The following CTBP1 variants were observed in gnomAD, a reference collection of about 807,000 sequenced individuals.
The protein encoded by CTBP1 is C-terminal-binding protein 1.
Under a neutral mutation model 42.1 loss-of-function variants are expected in CTBP1, and 11 were observed. The ratio of observed to expected loss-of-function variants is 0.26; its 90% confidence interval spans 0.16 to 0.43. The LOEUF (loss-of-function observed/expected upper bound fraction) is 0.43. CTBP1 is among the 20% of genes least tolerant of loss of function. The probability of loss-of-function intolerance (pLI) is 1.00; values close to 1 mark genes in which losing one functional copy is unlikely to be tolerated. For missense variants in CTBP1, 399 were observed against 624.3 expected (o/e 0.64, Z 3.85); for synonymous variants, 324 against 277.1 (o/e 1.17, Z -1.68).
intron 4 of CTBP1, among the ~76,000 whole-genome samples, chr4:1,226,747 C>T (rs372597705): frequency 1.3e-5 from 2 of 151,776 alleles, no homozygotes; most frequent in South Asian, 2.1e-4. Context: ...CACCCGACAC[C>T]GCAGCCGGCC....
At chr4:1,214,114 A>G (rs913572518) in intron 7 of CTBP1, 9 of 548,610 alleles carry the variant, frequency 1.6e-5, no homozygotes, top group Non-Finnish European at 2.5e-5. Context: ...CCCTGCCCAA[A>G]GAAGGGCTGA....
chr4:1,248,467 C>A (rs1393040941), intron 1 of CTBP1, among the ~76,000 whole-genome samples: 3 of 150,608 alleles, frequency 2.0e-5, no homozygotes, highest in Non-Finnish European at 4.4e-5. Flanking sequence ...GCGCGCGCCC[C>A]AGGACACCCC....
At chr4:1,228,075 C>A in intron 4 of CTBP1, 124 bp downstream of exon 4, 1 of 1,388,784 alleles carries the variant, frequency 7.2e-7, no homozygotes, top group Non-Finnish European at 9.9e-7. Flanking sequence ...CCACGAACCA[C>A]CGCCAGCCAC....
intron 1 of CTBP1, chr4:1,243,057 G>T (rs534337668): frequency 1.0e-6 from 1 of 985,252 alleles, no homozygotes; most frequent in Non-Finnish European, 1.2e-6. Context: ...GATACCGGCT[G>T]ATACTCATTG....
chr4:1,222,835 G>C (rs188622115), intron 5 of CTBP1, among the ~76,000 whole-genome samples: 1 of 152,074 alleles, frequency 6.6e-6, no homozygotes, highest in Admixed American at 6.5e-5. Context: ...CACAGACCCC[G>C]ACCCCAGGAG....
At chr4:1,227,221 A>G (rs1172204915) in intron 4 of CTBP1, among the ~76,000 whole-genome samples, 2 of 150,942 alleles carry the variant, frequency 1.3e-5, no homozygotes, top group East Asian at 4.0e-4. Context: ...TGCTGAGTGC[A>G]CAAGCAGAGG....
chr4:1,237,940 G>C, intron 3 of CTBP1: 1 of 702,994 alleles, frequency 1.4e-6, no homozygotes, highest in South Asian at 1.5e-5. Context: ...CTCCTGATGG[G>C]GCACAGGGAA....
chr4:1,249,785 T>C (rs1680032), upstream of CTBP1: 224,325 of 264,280 alleles, frequency 0.85, 97,340 homozygotes, highest in East Asian at 0.97. Flanking sequence ...GGAGAACCCC[T>C]TCCCCGACCC....
chr4:1,245,502 G>A lies in CTBP1; in HGVS notation c.-189+3414C>T, dbSNP rs113311033. The A allele has an allele frequency of 5.1e-4, 500 of 985,362 alleles. 8 individuals carry two copies. In the African/African-American group the frequency reaches 7.2e-3, roughly 14 times the overall value. The allele number at this position is 985,362 out of a possible 1,614,324, so 61.0% of individuals were successfully genotyped here. ...TGCCTCTGAGGCTCCTGCCAGCCAC[G>A]CAGACAGGGCAGCCCAGGAGCCCCC... On this transcript the variant is annotated intron_variant, in intron 1 of 9. Coordinates refer to ENST00000382952, the MANE Select transcript of CTBP1 (RefSeq NM_001012614.2).
Position 1,235,208 on chromosome 4 carries a change from T to A in CTBP1, c.162+2975A>T, listed in dbSNP as rs766116896. 2 of 152,166 alleles carry A rather than the reference T, an allele frequency of 1.3e-5. No homozygotes were observed. The highest frequency in any genetic ancestry group is 2.4e-5 in the African/African-American group (1 of 41,426). 9.4% of individuals were successfully genotyped at this position (152,166 alleles called of 1,614,324 possible). On this transcript the variant is annotated intron_variant, in intron 3 of 9. Transcript: ENST00000382952. This position sits in a 1 kb window ranked among gnomAD's most constrained non-coding sequence, Gnocchi z 4.2. The stretch of plus-strand genomic sequence containing the variant: ...AGTTAAGCTGCTAGGGAGCATGACG[T>A]GCAGGTCTGTGTGTGGACGCGCATT...
chr4:1,248,469 G>A (rs929880194), intron 1 of CTBP1, among the ~76,000 whole-genome samples: 1 of 150,576 alleles, frequency 6.6e-6, no homozygotes, highest in South Asian at 2.1e-4. Flanking sequence ...GCGCGCCCCA[G>A]GACACCCCGA....
intron 2 of CTBP1, among the ~76,000 whole-genome samples, chr4:1,240,998 G>A (rs1467287886): frequency 6.6e-6 from 1 of 152,224 alleles, no homozygotes; most frequent in Admixed American, 6.5e-5. Flanking sequence ...AGATTTCCAG[G>A]GTTCCGTGTG....
rs1478209236 is a variant in CTBP1 at position 1,237,801 on chromosome 4, G to T, written c.162+382C>A. On this transcript the variant is annotated intron_variant, in intron 3 of 9. Coordinates refer to ENST00000382952, the MANE Select transcript of CTBP1 (RefSeq NM_001012614.2). The stretch of plus-strand genomic sequence containing the variant: ...AACCCCGTGTCCACCTCCTGATGGG[G>T]CACAGGGCAAAACGAGTGTCCACCT... 14 of 693,580 alleles carry T rather than the reference G, an allele frequency of 2.0e-5. No individual in the cohort carries two copies. The East Asian group carries it at 3.8e-4, about 19-fold the overall frequency. 43.0% of individuals were successfully genotyped at this position (693,580 alleles called of 1,614,324 possible). A position where few individuals can be genotyped will look rare whatever the true frequency, so the allele number is the denominator to read the frequency against.
At chr4:1,245,110 A>C (rs1732580569) in intron 1 of CTBP1, 2 of 985,332 alleles carry the variant, frequency 2.0e-6, no homozygotes, top group African/African-American at 1.7e-5. Flanking sequence ...CTCCGACGAC[A>C]GCACCCCAGA....
At chr4:1,232,044 G>C (rs1024187079) in intron 3 of CTBP1, among the ~76,000 whole-genome samples, 7 of 152,234 alleles carry the variant, frequency 4.6e-5, no homozygotes, top group Admixed American at 4.6e-4. Context: ...AGGAGTCTTT[G>C]AATATATAAA....
chr4:1,221,884 G>T, intron 5 of CTBP1: 3 of 391,324 alleles, frequency 7.7e-6, no homozygotes, highest in Admixed American at 3.2e-5. Flanking sequence ...AGGGAAGGAG[G>T]GAGGAAAGAA....
At chr4:1,222,048 A>G (rs1729797416) in intron 5 of CTBP1, among the ~76,000 whole-genome samples, 1 of 152,140 alleles carries the variant, frequency 6.6e-6, no homozygotes, top group Non-Finnish European at 1.5e-5. Flanking sequence ...CGCGGATTCC[A>G]CGCTAAGAAC....
intron 1 of CTBP1, 148 bp downstream of exon 1, chr4:1,248,768 C>A: frequency 1.0e-6 from 1 of 973,264 alleles, no homozygotes; most frequent in African/African-American, 1.8e-5. Context: ...CGCGGCCACG[C>A]GCGGACGCCG....
At position 1,238,606 on chromosome 4, in the gene CTBP1, C is replaced by T. The variant is rs1478597510; in HGVS notation, c.8-269G>A. On this transcript the variant is annotated intron_variant, in intron 2 of 9. Coordinates refer to ENST00000382952, the MANE Select transcript of CTBP1 (RefSeq NM_001012614.2). This position sits in a 1 kb window ranked among gnomAD's most constrained non-coding sequence, Gnocchi z 5.9. ...AGGACCTCCGAGACCCTCCAAGTCC[C>T]CTCCGAGACCCTCCAAGGCCCCTCC... 2.0e-5 allele frequency among the ~76,000 whole-genome samples: 3 copies of T among 151,570 alleles called. No individual in the cohort carries two copies. Among genetic ancestry groups the T allele is most frequent in the African/African-American group, 7.3e-5 (3 of 41,160 alleles).
Sources: gnomAD v4.1 joint callset for allele counts (sites outside exome capture counted in the v4.1 genomes callset) on GRCh38, gnomAD v4.1.1 for gene constraint, Gnocchi (gnomAD v3.1) non-coding constraint, MANE v1.5 for transcripts, NCBI Gene and HGNC (gene_info 2026-07-23, HGNC 2026-07-21) for gene names.